Variants in PDE8A observed in about 807,000 individuals in gnomAD.
PDE8A encodes the protein phosphodiesterase 8A, also known as high affinity cAMP-specific and IBMX-insensitive 3',5'-cyclic phosphodiesterase 8A.
PDE8A carries 59 observed loss-of-function variants against 105.0 expected under a neutral mutation model. The observed-to-expected ratio is 0.56, with a 90% CI of 0.46 to 0.70. The LOEUF is 0.70. PDE8A is among the 30% of genes least tolerant of loss of function. The pLI is 0.00. For synonymous variants in PDE8A, 355 were observed against 371.9 expected, an observed-to-expected ratio of 0.95 and a Z score of 0.52; for missense variants, 1,014 against 1,045.9, an observed-to-expected ratio of 0.97 and a Z score of 0.42.
intron 1 of PDE8A, among the ~76,000 whole-genome samples, chr15:85,017,895 A>C (rs1176410578): frequency 6.6e-6 from 1 of 151,290 alleles, no homozygotes; most frequent in East Asian, 1.9e-4. Flanking sequence ...CTCAAAAAAA[A>C]AAAAGCAATA....
intron 1 of PDE8A, among the ~76,000 whole-genome samples, chr15:85,061,428 C>T (rs1193035067): frequency 3.3e-5 from 5 of 151,796 alleles, no homozygotes; most frequent in East Asian, 3.9e-4. Flanking sequence ...TTAGTAGAGA[C>T]GGGGTTTCAC....
intron 3 of PDE8A, among the ~76,000 whole-genome samples, chr15:85,073,538 A>G (rs961094495): frequency 2.0e-5 from 3 of 152,222 alleles, no homozygotes; most frequent in African/African-American, 4.8e-5. Flanking sequence ...GAGATCACCT[A>G]CCTACTTGCC....
At chr15:84,987,840 C>T (rs2079828378) in intron 1 of PDE8A, among the ~76,000 whole-genome samples, 1 of 151,888 alleles carries the variant, frequency 6.6e-6, no homozygotes, top group Non-Finnish European at 1.5e-5. Flanking sequence ...GCAGACATCC[C>T]AGAGTAACCT....
intron 1 of PDE8A, among the ~76,000 whole-genome samples, chr15:85,012,761 G>A (rs917927680): frequency 7.2e-5 from 11 of 151,836 alleles, no homozygotes; most frequent in Non-Finnish European, 1.5e-4. Context: ...GTTAGACTCC[G>A]AAAAGTAGAT....
At chr15:85,095,830 G>A (rs2081738361) in intron 8 of PDE8A, among the ~76,000 whole-genome samples, 1 of 150,984 alleles carries the variant, frequency 6.6e-6, no homozygotes, top group African/African-American at 2.4e-5. Flanking sequence ...AGTCACCCAA[G>A]TCTATTCAGA....
At chr15:85,136,744 G>T in intron 21 of PDE8A, 81 bp downstream of exon 21, 1 of 1,370,570 alleles carries the variant, frequency 7.3e-7, no homozygotes, top group Non-Finnish European at 1.0e-6. Flanking sequence ...GCATTTGACT[G>T]TAGAATATGA....
chr15:85,073,293 T>C (rs1346679418), intron 3 of PDE8A, among the ~76,000 whole-genome samples: 1 of 152,228 alleles, frequency 6.6e-6, no homozygotes, highest in Non-Finnish European at 1.5e-5. Flanking sequence ...TGAATTCCAA[T>C]GCAAGGATGT....
chr15:85,138,230 C>A lies in PDE8A; in HGVS notation c.*327C>A. ...GTATTGATGGACTTCCTGCCAGTGA[C>A]AGAGCATGTCTATTGCAAACAATTC... On this transcript the variant is annotated 3_prime_UTR_variant, in exon 22 of 22. Coordinates refer to ENST00000394553, the MANE Select transcript of PDE8A (RefSeq NM_002605.3). 4.5e-6 allele frequency: 1 copy of A among 222,770 alleles called. No homozygotes were observed. 13.8% of individuals were successfully genotyped at this position (222,770 alleles called of 1,614,324 possible). A position where few individuals can be genotyped will look rare whatever the true frequency, so the allele number is the denominator to read the frequency against.
chr15:84,991,752 C>G (rs1291419561), intron 1 of PDE8A, among the ~76,000 whole-genome samples: 1 of 152,130 alleles, frequency 6.6e-6, no homozygotes, highest in Non-Finnish European at 1.5e-5. Flanking sequence ...TACTTCACAG[C>G]TGTGAAAAAT....
rs756435589 is a variant in PDE8A at position 85,126,279 on chromosome 15, A to C, written c.2158A>C (p.Met720Leu). Residue 720 changes from methionine (M) to leucine (L), a missense_variant, in exon 20 of 22, where the codon ATG becomes CTG. Met to Leu is a conservative substitution (Grantham distance 15). Coordinates refer to ENST00000394553, the MANE Select transcript of PDE8A (RefSeq NM_002605.3). The stretch of plus-strand genomic sequence containing the variant: ...AGAGAACCGGACCCTAATCAAACGA[A>C]TGCTGATTAAATGTGCTGATGTGTC... ...TPENRTLIKR[M>L]LIKCADVSNP... The C allele has an allele frequency of 2.5e-6, 4 of 1,612,898 alleles. No individual in the cohort carries two copies. The highest frequency in any genetic ancestry group is 3.4e-6 in the Non-Finnish European group (4 of 1,179,262).
chr15:85,092,920 C>CTTTTTTTTTTT (rs5814181), intron 8 of PDE8A, among the ~76,000 whole-genome samples: 1 of 132,052 alleles, frequency 7.6e-6, no homozygotes, highest in Non-Finnish European at 1.6e-5. Flanking sequence ...TACTGCTTTC[C>CTTTTTTTTTTT]TTTTTTTTTT....
chr15:85,086,092 T>C (rs187162394), intron 6 of PDE8A, among the ~76,000 whole-genome samples: 2 of 152,160 alleles, frequency 1.3e-5, no homozygotes, highest in African/African-American at 4.8e-5. Context: ...AGTGGACTTT[T>C]CAGTGACTAG....
intron 1 of PDE8A, among the ~76,000 whole-genome samples, chr15:85,041,062 G>C (rs1050780811): frequency 7.2e-5 from 11 of 152,200 alleles, no homozygotes; most frequent in African/African-American, 2.6e-4. Flanking sequence ...TTTGTGAATA[G>C]GCCCAGGCTC....
intron 1 of PDE8A, among the ~76,000 whole-genome samples, chr15:84,986,615 C>CTT (rs10714340): frequency 1.4e-5 from 2 of 145,798 alleles, no homozygotes; most frequent in Non-Finnish European, 1.5e-5. Context: ...TTAGTCAAAA[C>CTT]TTTTTTTTTT....
chr15:85,122,295 G>T (rs917965903), intron 18 of PDE8A, among the ~76,000 whole-genome samples: 1 of 152,124 alleles, frequency 6.6e-6, no homozygotes, highest in Admixed American at 6.5e-5. Context: ...ACAGTGCTTG[G>T]TACATACTAG....
Position 85,083,677 on chromosome 15 carries a change from C to T in PDE8A, c.635+33C>T, listed in dbSNP as rs756908353. The stretch of plus-strand genomic sequence containing the variant: ...TACCACTTCTGGAAAGCCCTCCAGG[C>T]CATACAGGGCAGCATGGCAAGTGAG... On this transcript the variant is annotated intron_variant, in intron 6 of 21. Transcript: ENST00000394553. 1.0e-5 allele frequency: 14 copies of T among 1,342,180 alleles called. No homozygotes were observed. The South Asian group carries it at 1.6e-4, about 16-fold the overall frequency. 83.1% of individuals were successfully genotyped at this position (1,342,180 alleles called of 1,614,324 possible). A position where few individuals can be genotyped will look rare whatever the true frequency, so the allele number is the denominator to read the frequency against.
intron 1 of PDE8A, among the ~76,000 whole-genome samples, chr15:84,997,187 C>T (rs117537705): frequency 0.023 from 3,433 of 151,890 alleles, 56 homozygotes; most frequent in Non-Finnish European, 0.036. Context: ...ATAAGCTTTT[C>T]TCCATTATGT....
At chr15:85,052,462 C>A (rs2080991241) in intron 1 of PDE8A, among the ~76,000 whole-genome samples, 1 of 152,214 alleles carries the variant, frequency 6.6e-6, no homozygotes, top group South Asian at 2.1e-4. Flanking sequence ...GTTCCTATTT[C>A]TCCACATCCT....
intron 1 of PDE8A, among the ~76,000 whole-genome samples, chr15:85,040,370 TAAAAAAAAAA>T (rs35955528): frequency 2.9e-5 from 3 of 103,724 alleles, no homozygotes; most frequent in Non-Finnish European, 5.9e-5. Flanking sequence ...ACCTCTTCTC[TAAAAAAAAAA>T]AAAAAAAAAA....
Sources: allele counts gnomAD v4.1 joint callset (sites outside exome capture counted in the v4.1 genomes callset), GRCh38; gene constraint gnomAD v4.1.1; transcripts MANE v1.5; gene names NCBI Gene and HGNC (gene_info 2026-07-23, HGNC 2026-07-21).